The following EFCAB8 variants were observed in gnomAD, a reference collection of about 807,000 sequenced individuals.
The protein encoded by EFCAB8 is EF-hand calcium-binding domain-containing protein 8.
EFCAB8 carries 100 observed loss-of-function variants against 116.3 expected under a neutral mutation model. That is an observed-to-expected ratio of 0.86 (90% CI 0.73 to 1.02). The LOEUF is 1.02. Ranked by LOEUF, EFCAB8 falls within the 50% of genes least tolerant of loss-of-function variation. EFCAB8 has a pLI of 0.00. For synonymous variants in EFCAB8, 558 were observed against 567.9 expected, an observed-to-expected ratio of 0.98 and a Z score of 0.25; for missense variants, 1,320 against 1,416.9, an observed-to-expected ratio of 0.93 and a Z score of 1.10.
At chr20:32,915,553 C>T (rs1987146338) in intron 17 of EFCAB8, among the ~76,000 whole-genome samples, 1 of 152,148 alleles carries the variant, frequency 6.6e-6, no homozygotes, top group Admixed American at 6.6e-5. Flanking sequence ...AATATTGAGG[C>T]TTTCTCTGCA....
chr20:32,893,852 C>T (rs1301589068), intron 9 of EFCAB8, among the ~76,000 whole-genome samples: 3 of 152,128 alleles, frequency 2.0e-5, no homozygotes, highest in African/African-American at 7.2e-5. Context: ...TCCGCCCCTA[C>T]TGTCAGGAGG....
At chr20:32,917,028 T>A in intron 17 of EFCAB8, 2 of 412,186 alleles carry the variant, frequency 4.9e-6, no homozygotes, top group Non-Finnish European at 8.8e-6. Context: ...TAAACCTTAA[T>A]CCTTACCTAG....
intron 5 of EFCAB8, among the ~76,000 whole-genome samples, chr20:32,880,832 G>C (rs953053376): frequency 1.3e-5 from 2 of 152,112 alleles, no homozygotes; most frequent in African/African-American, 4.8e-5. Context: ...CATGACATCA[G>C]CATTCCTGCC....
intron 7 of EFCAB8, 36 bp from the exon 8 acceptor site, chr20:32,892,177 C>T: frequency 6.5e-7 from 1 of 1,530,266 alleles, no homozygotes. Context: ...CCAGGCATGG[C>T]TGTGGGCTCT....
chr20:32,898,571 A>T lies in EFCAB8; in HGVS notation c.1036A>T (p.Lys346Ter), dbSNP rs1555857400. The T allele has an allele frequency of 1.4e-6, 1 of 718,538 alleles. No individual in the cohort carries two copies. The highest frequency in any genetic ancestry group is 2.6e-6 in the Non-Finnish European group (1 of 385,134). The allele number at this position is 718,538 out of a possible 1,614,324, so 44.5% of individuals were successfully genotyped here. ...GGTAGTCTCCTGTTCAGCCATCGAG[A>T]AGTCCTCTCTGGTGCTGACAATATT... is the stretch of plus-strand genomic sequence containing the variant. ...NVVVSCSAIE[K>*]SSLVLTILPA... Residue 346 changes from lysine to a stop codon, truncating the protein, a stop_gained, in exon 11 of 27, where the codon AAG becomes TAG. Transcript: ENST00000400522. LOFTEE classifies it high-confidence loss of function.
chr20:32,918,507 T>C lies in EFCAB8; in HGVS notation c.2207T>C (p.Leu736Pro). Residue 736 changes from leucine to proline, a missense_variant, in exon 19 of 27, where the codon CTG becomes CCG. Transcript: ENST00000400522. ...SVANTNLRRS[L>P]VSAPPVMRCP... ...GCCAATACCAACCTGAGGCGGAGCC[T>C]GGTGTCGGCTCCCCCAGTGATGCGG... 1.9e-6 allele frequency: 3 copies of C among 1,551,652 alleles called. No homozygotes were observed. Among genetic ancestry groups the C allele is most frequent in the South Asian group, 1.2e-5 (1 of 84,054 alleles).
rs1293642216 is a variant in EFCAB8, at chr20:32,930,557, A to C, written c.2572A>C (p.Met858Leu). The C allele has an allele frequency of 6.4e-7, 1 of 1,552,190 alleles. No homozygotes were observed. Among genetic ancestry groups the C allele is most frequent in the Non-Finnish European group, 8.7e-7 (1 of 1,147,112 alleles). Residue 858 changes from methionine to leucine, a missense_variant, in exon 21 of 27, where the codon ATG (methionine) becomes CTG (leucine). Met to Leu is a conservative substitution (Grantham distance 15). Coordinates refer to ENST00000400522, the MANE Select transcript of EFCAB8 (RefSeq NM_001143967.2). ...LDNGDVVVGA[M>L]ATDKNDWILI... The stretch of plus-strand genomic sequence containing the variant: ...CAATGGGGATGTTGTCGTGGGTGCC[A>C]TGGCCACTGATAAAAATGACTGGAT...
At chr20:32,916,386 T>C (rs1383687614) in intron 17 of EFCAB8, among the ~76,000 whole-genome samples, 1 of 152,186 alleles carries the variant, frequency 6.6e-6, no homozygotes, top group Non-Finnish European at 1.5e-5. Flanking sequence ...GCCTCCTGAA[T>C]AGCTAGGACT....
At chr20:32,931,126 T>G in intron 21 of EFCAB8, 52 bp from the exon 22 acceptor site, 4 of 1,427,080 alleles carry the variant, frequency 2.8e-6, no homozygotes, top group Non-Finnish European at 2.8e-6. Flanking sequence ...GCAGAGTGAG[T>G]TGGGGTCTGG....
At position 32,877,100 on chromosome 20, in the gene EFCAB8, G is replaced by A. The variant is rs549972441; in HGVS notation, c.327+1056G>A. Among the ~76,000 whole-genome samples the A allele has an allele frequency of 2.0e-5, 3 of 152,190 alleles. No individual in the cohort carries two copies. In the East Asian group the frequency reaches 5.8e-4, roughly 29 times the overall value. On this transcript the variant is annotated intron_variant, in intron 4 of 26. Coordinates refer to ENST00000400522, the MANE Select transcript of EFCAB8 (RefSeq NM_001143967.2). ...GGAGCCAGTATTCAAACCAGGGAGG[G>A]TGCCTTGAGAGTCCCTGCGTTAACT...
In EFCAB8 at chr20:32,961,439, T is replaced by G; in HGVS notation, c.3697T>G (p.Ser1233Ala). ...PQFSFLLRPQ[S>A]ASTAHSTPSV... ...GTTCTCCTTCTTGCTGCGGCCCCAG[T>G]CAGCCTCCACAGCCCATTCCACCCC... Residue 1233 changes from serine to alanine, a missense_variant, in exon 27 of 27, where the codon TCA becomes GCA. Ser to Ala is a moderately conservative substitution (Grantham distance 99). Transcript: ENST00000400522. 6.9e-7 allele frequency: 1 copy of G among 1,456,986 alleles called. No individual in the cohort carries two copies. Among genetic ancestry groups the G allele is most frequent in the Non-Finnish European group, 9.1e-7 (1 of 1,102,728 alleles). The allele number at this position is 1,456,986 out of a possible 1,614,324, so 90.3% of individuals were successfully genotyped here.
At chr20:32,882,734 C>T (rs1057249124) in intron 5 of EFCAB8, among the ~76,000 whole-genome samples, 7 of 151,702 alleles carry the variant, frequency 4.6e-5, no homozygotes, top group Admixed American at 1.3e-4. Flanking sequence ...CTTGCTCGGT[C>T]GCCCAGGCTG....
intron 1 of EFCAB8, among the ~76,000 whole-genome samples, chr20:32,861,188 T>C (rs1389704305): frequency 6.6e-6 from 1 of 152,224 alleles, no homozygotes; most frequent in East Asian, 1.9e-4. Context: ...TGGTTTTTGC[T>C]CCTATGAATG....
chr20:32,893,404 A>G, intron 9 of EFCAB8, 106 bp downstream of exon 9: 2 of 1,474,324 alleles, frequency 1.4e-6, no homozygotes, highest in Non-Finnish European at 1.8e-6. Context: ...TCTGCTCTGG[A>G]GTCTCTGGGA....
intron 3 of EFCAB8, among the ~76,000 whole-genome samples, chr20:32,874,316 G>A (rs1179865720): frequency 6.6e-6 from 1 of 151,952 alleles, no homozygotes; most frequent in Admixed American, 6.6e-5. Context: ...TCTGCCTCCC[G>A]GGTTCAAGCC....
intron 1 of EFCAB8, 115 bp from the exon 2 acceptor site, chr20:32,863,668 C>A: frequency 1.0e-6 from 1 of 956,946 alleles, no homozygotes; most frequent in Non-Finnish European, 1.5e-6. Context: ...AAGGGGAAGC[C>A]ACCCTCTCCC....
At chr20:32,949,994 T>A (rs1988748807) in intron 23 of EFCAB8, among the ~76,000 whole-genome samples, 1 of 108,794 alleles carries the variant, frequency 9.2e-6, no homozygotes, top group South Asian at 2.6e-4. Context: ...AGCAAGACTC[T>A]GTCTCAAAAA....
In EFCAB8 at chr20:32,961,431, G is replaced by A. The variant is rs369072708; in HGVS notation, c.3689G>A (p.Arg1230Gln). The change falls in exon 27 of 27, where the codon CGG becomes CAG. Residue 1230 changes from arginine (R) to glutamine (Q), a missense_variant. By Grantham distance (43) the Arg-to-Gln change is conservative (BLOSUM62 1). Transcript: ENST00000400522. ...ACGCCCCAGTTCTCCTTCTTGCTGCGGCCCCAGTCAGCCTCCACAGCCCAT... is the reference window on the plus strand; with the variant it reads ...ACGCCCCAGTTCTCCTTCTTGCTGCAGCCCCAGTCAGCCTCCACAGCCCAT... The part of the protein sequence containing the change: ...FLTPQFSFLL[R>Q]PQSASTAHST... 5.7e-5 allele frequency: 83 copies of A among 1,457,012 alleles called. No homozygotes were observed. The East Asian group carries it at 9.2e-4, about 16-fold the overall frequency. 90.3% of individuals were successfully genotyped at this position (1,457,012 alleles called of 1,614,324 possible).
At chr20:32,869,515 CG>C (rs1223363161) in intron 3 of EFCAB8, among the ~76,000 whole-genome samples, 1 of 152,156 alleles carries the variant, frequency 6.6e-6, no homozygotes, top group African/African-American at 2.4e-5. Context: ...GGATTACAGG[CG>C]TGAGCTGCTG....
Sources: allele counts gnomAD v4.1 joint callset (sites outside exome capture counted in the v4.1 genomes callset), GRCh38; gene constraint gnomAD v4.1.1; transcripts MANE v1.5; gene names NCBI Gene and HGNC (gene_info 2026-07-23, HGNC 2026-07-21).